ANLN: variants seen among roughly 807,000 people sequenced by gnomAD.
ANLN encodes the protein anillin.
Under a neutral mutation model 135.1 loss-of-function variants are expected in ANLN, and 59 were observed. The observed-to-expected ratio is 0.44, with a 90% CI of 0.35 to 0.54. The LOEUF (loss-of-function observed/expected upper bound fraction) is 0.54. Among genes scored for constraint, ANLN ranks in the 20% least tolerant of loss-of-function variants. The pLI is 0.00. For synonymous variants in ANLN, 406 were observed against 456.4 expected (o/e 0.89, Z 1.41); for missense variants, 1,182 against 1,340.0 (o/e 0.88, Z 1.84).
intron 20 of ANLN, among the ~76,000 whole-genome samples, chr7:36,438,167 G>T (rs1362337648): frequency 6.6e-6 from 1 of 152,086 alleles, no homozygotes; most frequent in African/African-American, 2.4e-5. Context: ...ATGGTATGAG[G>T]TGAAGGTCCA....
In ANLN at chr7:36,452,762, CTT is replaced by C; in HGVS notation, c.*164_*165del. ...GTATTTATATCTTTTGTATGTAAAA[CTT>C]TAACTGATTTCTGTCATTCATCAAT... On this transcript the variant is annotated 3_prime_UTR_variant, in exon 24 of 24. Transcript: ENST00000265748. 1 of 698,066 alleles carries C rather than the reference CTT, an allele frequency of 1.4e-6. No homozygotes were observed. The highest frequency in any genetic ancestry group is 2.2e-6 in the Non-Finnish European group (1 of 452,178). 43.2% of individuals were successfully genotyped at this position (698,066 alleles called of 1,614,324 possible).
intron 14 of ANLN, among the ~76,000 whole-genome samples, chr7:36,423,232 A>G (rs1447387709): frequency 6.6e-6 from 1 of 152,146 alleles, no homozygotes; most frequent in African/African-American, 2.4e-5. Flanking sequence ...AATTTCAGGC[A>G]TAGGGAAAGT....
intron 20 of ANLN, among the ~76,000 whole-genome samples, chr7:36,433,008 G>T (rs1236953063): frequency 6.6e-6 from 1 of 152,096 alleles, no homozygotes; most frequent in African/African-American, 2.4e-5. Context: ...AAGAGATGGG[G>T]TCTTGCTATG....
At position 36,411,005 on chromosome 7, in the gene ANLN, G is replaced by T. The variant is rs1282352132; in HGVS notation, c.1288-54G>T. 4.1e-6 allele frequency: 6 copies of T among 1,477,360 alleles called. No individual in the cohort carries two copies. The African/African-American group carries it at 8.5e-5, about 21-fold the overall frequency. 91.5% of individuals were successfully genotyped at this position (1,477,360 alleles called of 1,614,324 possible). A position where few individuals can be genotyped will look rare whatever the true frequency, so the allele number is the denominator to read the frequency against. ...ACAAGGAAAATTTTAGTAGTGTTTG[G>T]ATGTTAAACATGCTACCGGCTCTTG... On this transcript the variant is annotated intron_variant, in intron 6 of 23. Coordinates refer to ENST00000265748, the MANE Select transcript of ANLN (RefSeq NM_018685.5).
rs1199564839 is a variant in ANLN, at chr7:36,424,760, C to G, written c.2709+18C>G. The G allele has an allele frequency of 6.2e-7, 1 of 1,601,220 alleles. No individual in the cohort carries two copies. Among genetic ancestry groups the G allele is most frequent in the African/African-American group, 1.3e-5 (1 of 74,192 alleles). On this transcript the variant is annotated intron_variant, in intron 17 of 23. Coordinates refer to ENST00000265748, the MANE Select transcript of ANLN (RefSeq NM_018685.5). ...AGTCCAAGGTGAGAATTAAAGAAACCCAGTAAAAATATTTTCATCAGAAGT... is the reference window on the plus strand; with the variant it reads ...AGTCCAAGGTGAGAATTAAAGAAACGCAGTAAAAATATTTTCATCAGAAGT...
intron 3 of ANLN, 110 bp downstream of exon 3, chr7:36,399,503 T>A: frequency 9.8e-7 from 1 of 1,022,722 alleles, no homozygotes. Context: ...TTTTGTTTTA[T>A]CTATATGTTG....
chr7:36,419,999 TTTTA>T (rs1341228578), intron 10 of ANLN, among the ~76,000 whole-genome samples, 166 bp from the exon 11 acceptor site: 2 of 152,144 alleles, frequency 1.3e-5, no homozygotes, highest in African/African-American at 2.4e-5. Flanking sequence ...GTCTTTGTAG[TTTTA>T]TTTATTCTTT....
intron 21 of ANLN, among the ~76,000 whole-genome samples, chr7:36,442,543 T>A (rs1788815861): frequency 6.6e-6 from 1 of 152,236 alleles, no homozygotes; most frequent in South Asian, 2.1e-4. Context: ...TTCCCTGATC[T>A]ACAGCATTGT....
At chr7:36,428,276 T>A (rs1788167785) in intron 20 of ANLN, 1 of 1,199,664 alleles carries the variant, frequency 8.3e-7, no homozygotes, top group Admixed American at 3.1e-5. Flanking sequence ...CTGGGTCTTT[T>A]TTTCTCTGTC....
intron 3 of ANLN, among the ~76,000 whole-genome samples, chr7:36,400,351 C>G (rs1786892432): frequency 6.6e-6 from 1 of 152,058 alleles, no homozygotes; most frequent in Non-Finnish European, 1.5e-5. Context: ...TCAGTAAAAG[C>G]ATTTCTTTTT....
At chr7:36,392,179 C>T (rs529511209) in intron 1 of ANLN, among the ~76,000 whole-genome samples, 5 of 152,230 alleles carry the variant, frequency 3.3e-5, no homozygotes, top group East Asian at 3.9e-4. Context: ...TTATTGTAGA[C>T]GCTTTAGATC....
chr7:36,420,680 C>T lies in ANLN; in HGVS notation c.2099C>T (p.Thr700Ile), dbSNP rs747599954. The T allele has an allele frequency of 1.2e-6, 2 of 1,613,818 alleles. No individual in the cohort carries two copies. Among genetic ancestry groups the T allele is most frequent in the Non-Finnish European group, 1.7e-6 (2 of 1,179,780 alleles). Residue 700 changes from threonine to isoleucine, a missense_variant, in exon 12 of 24, where the codon ACT becomes ATT. This residue lies in a region of ANLN where 1,022 missense variants were observed against 1,134.0 expected (regional missense o/e 0.90). Transcript: ENST00000265748. The part of the protein sequence containing the change: ...KQVIVRKEDV[T>I]SKLDEKNNAF... The stretch of plus-strand genomic sequence containing the variant: ...GTGATTGTTCGGAAGGAAGATGTTA[C>T]TTCAAAACTGGATGAAAAAAATAAT...
In ANLN at chr7:36,389,890, G is replaced by A. The variant is rs564351574; in HGVS notation, c.-137G>A. On this transcript the variant is annotated 5_prime_UTR_variant, in exon 1 of 24. Coordinates refer to ENST00000265748, the MANE Select transcript of ANLN (RefSeq NM_018685.5). ...TCCGTCACTGGAAGCCGAGAGGAGA[G>A]GACAGCTGGTTGTGGGAGAGTTCCC... The A allele has an allele frequency of 3.6e-4, 548 of 1,503,600 alleles. 3 individuals are homozygous for A. In the African/African-American group the frequency reaches 6.5e-3, roughly 18 times the overall value. The allele number at this position is 1,503,600 out of a possible 1,614,324, so 93.1% of individuals were successfully genotyped here.
At chr7:36,422,393 G>C (rs549674291) in intron 13 of ANLN, among the ~76,000 whole-genome samples, 1 of 151,944 alleles carries the variant, frequency 6.6e-6, no homozygotes, top group Non-Finnish European at 1.5e-5. Flanking sequence ...GGGCATTTTG[G>C]GGTGGACAGA....
At chr7:36,404,211 C>T (rs1156284979) in intron 3 of ANLN, among the ~76,000 whole-genome samples, 1 of 152,180 alleles carries the variant, frequency 6.6e-6, no homozygotes, top group Non-Finnish European at 1.5e-5. Context: ...CTCAAATGAT[C>T]TGCCTGCCTC....
intron 22 of ANLN, 28 bp from the exon 23 acceptor site, chr7:36,449,637 A>G (rs749225863): frequency 1.3e-6 from 2 of 1,567,780 alleles, no homozygotes; most frequent in Non-Finnish European, 1.7e-6. Context: ...CTTATTTTCT[A>G]CTAATTTCTC....
rs561579189 is a variant in ANLN at position 36,427,129 on chromosome 7, C to T, written c.2883+101C>T. ...AATGCTTTTAGGTATTTGAAATCTT[C>T]GACTGAAAACATATGTTCTTAGAAT... is the stretch of plus-strand genomic sequence containing the variant. On this transcript the variant is annotated intron_variant, in intron 20 of 23. Coordinates refer to ENST00000265748, the MANE Select transcript of ANLN (RefSeq NM_018685.5). The T allele has an allele frequency of 1.6e-3, 1,037 of 664,192 alleles. 2 individuals carry two copies. Among genetic ancestry groups the T allele is most frequent in the Non-Finnish European group, 2.2e-3 (883 of 406,384 alleles). The allele number at this position is 664,192 out of a possible 1,614,324, so 41.1% of individuals were successfully genotyped here.
chr7:36,425,792 C>T (rs765489138), intron 18 of ANLN, 52 bp downstream of exon 18: 1 of 1,550,660 alleles, frequency 6.4e-7, no homozygotes, highest in Non-Finnish European at 8.9e-7. Flanking sequence ...TTCATCTTAC[C>T]CATACAGTTT....
chr7:36,395,970 C>T (rs1389435210), intron 1 of ANLN, among the ~76,000 whole-genome samples: 1 of 152,010 alleles, frequency 6.6e-6, no homozygotes, highest in Non-Finnish European at 1.5e-5. Flanking sequence ...AAGGCCAGCC[C>T]AGATTCAAGG....
Sources: gnomAD v4.1 joint callset for allele counts (sites outside exome capture counted in the v4.1 genomes callset) on GRCh38, gnomAD v4.1.1 for gene constraint, gnomAD v4.1.1 regional missense constraint, MANE v1.5 for transcripts, NCBI Gene and HGNC (gene_info 2026-07-23, HGNC 2026-07-21) for gene names.